The following EYS variants were observed in gnomAD, a reference collection of about 807,000 sequenced individuals.
EYS encodes protein eyes shut homolog.
Under a neutral mutation model 282.1 loss-of-function variants are expected in EYS, and 250 were observed. The observed-to-expected ratio is 0.89, with a 90% CI of 0.80 to 0.98. EYS has a LOEUF of 0.98. EYS is among the 50% of genes least tolerant of loss of function. The pLI is 0.00. For synonymous variants in EYS, 1,355 were observed against 1,282.9 expected (o/e 1.06, Z -1.20); for missense variants, 4,016 against 3,709.0 (o/e 1.08, Z -2.15).
chr6:63,955,678 T>C (rs968474815), intron 35 of EYS, among the ~76,000 whole-genome samples: 7 of 152,190 alleles, frequency 4.6e-5, no homozygotes, highest in Admixed American at 6.5e-5. Flanking sequence ...ATGAAGAGTT[T>C]TGTTTTTGCC....
At chr6:65,246,754 G>T (rs758811196) in intron 12 of EYS, among the ~76,000 whole-genome samples, 1 of 152,040 alleles carries the variant, frequency 6.6e-6, no homozygotes, top group African/African-American at 2.4e-5. Flanking sequence ...TCTTTCATAC[G>T]TTCTTCAATC....
chr6:65,419,979 A>G (rs1458086545), intron 5 of EYS, among the ~76,000 whole-genome samples: 1 of 152,018 alleles, frequency 6.6e-6, no homozygotes, highest in African/African-American at 2.4e-5. Context: ...CAAATACTCT[A>G]TTGCCAGAAA....
chr6:65,028,934 C>G (rs1307975136), intron 13 of EYS, among the ~76,000 whole-genome samples: 1 of 152,006 alleles, frequency 6.6e-6, no homozygotes. Context: ...AAGTATTTGT[C>G]TATTTTTCAA....
chr6:65,556,638 T>C (rs1562257324), intron 2 of EYS, among the ~76,000 whole-genome samples: 2 of 152,154 alleles, frequency 1.3e-5, no homozygotes, highest in African/African-American at 4.8e-5. Context: ...CATATTATAA[T>C]AATGTAGGTA....
At chr6:63,781,047 T>C (rs1178086927) in intron 39 of EYS, among the ~76,000 whole-genome samples, 3 of 152,260 alleles carry the variant, frequency 2.0e-5, no homozygotes. Context: ...TTGTCAAAGA[T>C]CAGATGGTTG....
At chr6:65,644,027 T>C (rs1392623511) in intron 1 of EYS, among the ~76,000 whole-genome samples, 1 of 151,990 alleles carries the variant, frequency 6.6e-6, no homozygotes, top group African/African-American at 2.4e-5. Context: ...TTAACACCCT[T>C]AAAAGATCAT....
chr6:65,325,219 C>T (rs1267598885), intron 11 of EYS, among the ~76,000 whole-genome samples: 2 of 152,180 alleles, frequency 1.3e-5, no homozygotes, highest in East Asian at 3.9e-4. Context: ...CCTCCTCTCC[C>T]TTCTTCATCC....
At chr6:64,920,649 A>G (rs1768315029) in intron 15 of EYS, among the ~76,000 whole-genome samples, 1 of 152,186 alleles carries the variant, frequency 6.6e-6, no homozygotes, top group South Asian at 2.1e-4. Flanking sequence ...ATATGCAAGT[A>G]TAATATCCAT....
intron 33 of EYS, among the ~76,000 whole-genome samples, chr6:64,041,017 A>T (rs966868678): frequency 6.6e-6 from 1 of 152,234 alleles, no homozygotes; most frequent in Non-Finnish European, 1.5e-5. Flanking sequence ...GAAGGTATTC[A>T]GTTACATTTT....
At chr6:64,317,477 G>C (rs909645130) in intron 29 of EYS, among the ~76,000 whole-genome samples, 2 of 151,962 alleles carry the variant, frequency 1.3e-5, no homozygotes, top group African/African-American at 2.4e-5. Context: ...AAATCACAAT[G>C]AGATACTGTC....
chr6:64,685,991 G>A (rs1443405915), intron 22 of EYS, among the ~76,000 whole-genome samples: 2 of 151,666 alleles, frequency 1.3e-5, no homozygotes, highest in African/African-American at 4.8e-5. Context: ...TAAAAATAAA[G>A]TATGGAAAAA....
chr6:65,465,406 G>A (rs1764965885), intron 5 of EYS, among the ~76,000 whole-genome samples: 1 of 152,024 alleles, frequency 6.6e-6, no homozygotes, highest in Admixed American at 6.6e-5. Context: ...GAATCCAGGA[G>A]GTCCAGGTGG....
At chr6:64,539,100 C>A (rs1032475295) in intron 26 of EYS, among the ~76,000 whole-genome samples, 3 of 152,132 alleles carry the variant, frequency 2.0e-5, no homozygotes, top group Non-Finnish European at 4.4e-5. Flanking sequence ...ACCTCAAGTT[C>A]TGTGCATGTT....
intron 12 of EYS, among the ~76,000 whole-genome samples, chr6:65,278,391 A>ATT (rs201627315): frequency 0.51 from 72,062 of 140,810 alleles, 20,325 homozygotes; most frequent in East Asian, 0.9. Flanking sequence ...ATAGAAATGT[A>ATT]TTTTATATAT....
At chr6:64,074,263 A>C (rs1025719054) in intron 32 of EYS, among the ~76,000 whole-genome samples, 3 of 151,520 alleles carry the variant, frequency 2.0e-5, no homozygotes, top group Non-Finnish European at 3.0e-5. Flanking sequence ...CAGTATCTAA[A>C]TGTCATAGTT....
intron 11 of EYS, chr6:65,329,524 A>G (rs1769719206): frequency 1.0e-6 from 1 of 982,836 alleles, no homozygotes; most frequent in Non-Finnish European, 1.2e-6. Context: ...ACTGGCCCCA[A>G]CCCAAAAATA....
At chr6:63,795,347 T>A (rs1210607356) in intron 37 of EYS, among the ~76,000 whole-genome samples, 5 of 152,130 alleles carry the variant, frequency 3.3e-5, no homozygotes, top group Non-Finnish European at 2.9e-5. Flanking sequence ...GTGGCATTGT[T>A]AGGGATGGGA....
chr6:65,347,440 C>T (rs1273318138), intron 9 of EYS, among the ~76,000 whole-genome samples: 1 of 151,630 alleles, frequency 6.6e-6, no homozygotes, highest in Non-Finnish European at 1.5e-5. Flanking sequence ...GTTTCTTTTG[C>T]ATTTTGATTT....
chr6:64,444,424 G>A (rs921668936), intron 26 of EYS, among the ~76,000 whole-genome samples: 1 of 151,910 alleles, frequency 6.6e-6, no homozygotes, highest in East Asian at 1.9e-4. Context: ...ATAGCTTTTA[G>A]AAAGAAATAT....
Sources: allele counts gnomAD v4.1 joint callset (sites outside exome capture counted in the v4.1 genomes callset), GRCh38; gene constraint gnomAD v4.1.1; transcripts MANE v1.5; gene names NCBI Gene and HGNC (gene_info 2026-07-23, HGNC 2026-07-21).